GRID2: variants seen among roughly 807,000 people sequenced by gnomAD.
GRID2 encodes glutamate ionotropic receptor delta type subunit 2, also known as glutamate receptor ionotropic, delta-2.
GRID2 carries 33 observed loss-of-function variants against 114.8 expected under a neutral mutation model. The ratio of observed to expected loss-of-function variants is 0.29; its 90% CI spans 0.22 to 0.38. The LOEUF is 0.38. Among genes scored for constraint, GRID2 ranks in the 10% least tolerant of loss-of-function variants. The pLI is 1.00. For synonymous variants in GRID2, 505 were observed against 449.9 expected (o/e 1.12, Z -1.55); for missense variants, 1,184 against 1,257.7 (o/e 0.94, Z 0.89).
At chr4:93,348,432 A>T (rs1024228026) in intron 8 of GRID2, among the ~76,000 whole-genome samples, 2 of 152,212 alleles carry the variant, frequency 1.3e-5, no homozygotes, top group African/African-American at 4.8e-5. Flanking sequence ...TAGAAGTGCA[A>T]TGAAGTACAA....
intron 2 of GRID2, among the ~76,000 whole-genome samples, chr4:93,001,322 C>T (rs1720953133): frequency 6.6e-6 from 1 of 151,540 alleles, no homozygotes; most frequent in Non-Finnish European, 1.5e-5. Flanking sequence ...TCAACACACG[C>T]CCTCCAATTT....
intron 1 of GRID2, among the ~76,000 whole-genome samples, chr4:92,578,714 C>A (rs1442700420): frequency 8.5e-6 from 1 of 117,980 alleles, no homozygotes; most frequent in Non-Finnish European, 1.8e-5. Flanking sequence ...ACAAAAATAT[C>A]ATTATCTATC....
At chr4:92,468,928 A>T (rs1721888189) in intron 1 of GRID2, among the ~76,000 whole-genome samples, 1 of 152,162 alleles carries the variant, frequency 6.6e-6, no homozygotes, top group African/African-American at 2.4e-5. Flanking sequence ...TTCCAGAGAC[A>T]AGGCACTGTG....
At chr4:93,103,076 T>C (rs1731853278) in intron 3 of GRID2, among the ~76,000 whole-genome samples, 1 of 152,030 alleles carries the variant, frequency 6.6e-6, no homozygotes, top group Non-Finnish European at 1.5e-5. Flanking sequence ...TCCCAAATGC[T>C]GAGAGGGCTT....
rs376974181 is a variant in GRID2 at position 93,296,490 on chromosome 4, A to ATG, written c.1245+58002_1245+58003dup. On this transcript the variant is annotated intron_variant, in intron 8 of 15. Transcript: ENST00000282020. ...ATCCAGGAAAGGTACCTATTTCAGAATGTTTCTGTAAAGGTGAGCAAAGAA... is the reference window on the plus strand; with the variant it reads ...ATCCAGGAAAGGTACCTATTTCAGAATGTGTTTCTGTAAAGGTGAGCAAAGAA... Among the ~76,000 whole-genome samples, 183 of 152,312 alleles carry ATG rather than the reference A, an allele frequency of 1.2e-3. 3 individuals carry two copies. The highest frequency in any genetic ancestry group is 4.4e-3 in the African/African-American group (181 of 41,564).
chr4:92,881,509 T>A (rs1358717611), intron 2 of GRID2, among the ~76,000 whole-genome samples: 1 of 152,168 alleles, frequency 6.6e-6, no homozygotes, highest in African/African-American at 2.4e-5. Context: ...TGCTTCCTTT[T>A]TTTTCCTGAC....
At chr4:93,038,017 G>C (rs188159899) in intron 2 of GRID2, among the ~76,000 whole-genome samples, 1 of 152,070 alleles carries the variant, frequency 6.6e-6, no homozygotes. Context: ...AATTTGATGG[G>C]GATAGCACTG....
intron 1 of GRID2, among the ~76,000 whole-genome samples, chr4:92,382,248 A>G (rs1178508389): frequency 6.6e-6 from 1 of 152,032 alleles, no homozygotes; most frequent in Non-Finnish European, 1.5e-5. Flanking sequence ...GAGCTGAAAA[A>G]AAATATAGAT....
intron 8 of GRID2, among the ~76,000 whole-genome samples, chr4:93,336,999 C>T (rs748845511): frequency 1.3e-5 from 2 of 151,928 alleles, no homozygotes; most frequent in Non-Finnish European, 2.9e-5. Context: ...CTTTACTTAT[C>T]CCTTGTGGGG....
At chr4:92,626,574 T>G (rs1309241488) in intron 2 of GRID2, among the ~76,000 whole-genome samples, 1 of 152,062 alleles carries the variant, frequency 6.6e-6, no homozygotes, top group African/African-American at 2.4e-5. Context: ...AAGGCTGTCA[T>G]GTGGAAGTGG....
chr4:92,628,891 T>A (rs1478212401), intron 2 of GRID2, among the ~76,000 whole-genome samples: 3 of 152,116 alleles, frequency 2.0e-5, no homozygotes, highest in Non-Finnish European at 4.4e-5. Context: ...TTTCTTTTAA[T>A]CATTTTCCTT....
chr4:93,436,657 C>T (rs1288049884), intron 10 of GRID2, among the ~76,000 whole-genome samples: 1 of 152,154 alleles, frequency 6.6e-6, no homozygotes, highest in Middle Eastern at 3.4e-3. Flanking sequence ...AAATTTAAAT[C>T]GACAGTAATA....
intron 13 of GRID2, among the ~76,000 whole-genome samples, chr4:93,611,919 A>T (rs1291674459): frequency 6.7e-6 from 1 of 149,900 alleles, no homozygotes; most frequent in Non-Finnish European, 1.5e-5. Context: ...GTGGGGTGTT[A>T]AAGTCTCCCA....
chr4:93,707,010 T>C (rs2110155667), intron 14 of GRID2, among the ~76,000 whole-genome samples: 1 of 152,296 alleles, frequency 6.6e-6, no homozygotes. Flanking sequence ...TCACATTGAT[T>C]GGTTTATGTG....
chr4:93,177,743 A>G lies in GRID2; in HGVS notation c.736-29661A>G, dbSNP rs571937600. Among the ~76,000 whole-genome samples, 10 of 152,212 alleles carry G rather than the reference A, an allele frequency of 6.6e-5. No homozygotes were observed. The South Asian group carries it at 2.1e-3, about 32-fold the overall frequency. On this transcript the variant is annotated intron_variant, in intron 4 of 15. Coordinates refer to ENST00000282020, the MANE Select transcript of GRID2 (RefSeq NM_001510.4). The stretch of plus-strand genomic sequence containing the variant: ...GGTAGTAAAATCATTTTTCTTTCAA[A>G]TTTTATCACTACCCATTTAAAGTTG...
chr4:92,934,408 A>T (rs1024463851), intron 2 of GRID2, among the ~76,000 whole-genome samples: 1 of 149,830 alleles, frequency 6.7e-6, no homozygotes, highest in African/African-American at 2.4e-5. Flanking sequence ...GAAGCTGCTT[A>T]TCAGCTTAAG....
intron 8 of GRID2, among the ~76,000 whole-genome samples, chr4:93,290,137 C>T (rs866920678): frequency 1.3e-5 from 2 of 152,044 alleles, no homozygotes; most frequent in Non-Finnish European, 2.9e-5. Context: ...CAAAACTGCC[C>T]GGTAGTTCAT....
chr4:92,886,816 G>A (rs1359373084), intron 2 of GRID2, among the ~76,000 whole-genome samples: 2 of 151,850 alleles, frequency 1.3e-5, no homozygotes, highest in East Asian at 1.9e-4. Flanking sequence ...TAGTAGAGAC[G>A]GGGTTTCACC....
intron 4 of GRID2, among the ~76,000 whole-genome samples, chr4:93,186,637 A>G (rs921810181): frequency 1.3e-5 from 2 of 152,070 alleles, no homozygotes; most frequent in Non-Finnish European, 2.9e-5. Flanking sequence ...TATTTTTCAA[A>G]TATTTTAAAT....
Sources: allele counts gnomAD v4.1 joint callset (sites outside exome capture counted in the v4.1 genomes callset), GRCh38; gene constraint gnomAD v4.1.1; transcripts MANE v1.5; gene names NCBI Gene and HGNC (gene_info 2026-07-23, HGNC 2026-07-21).